The following CNKSR1 variants were observed in gnomAD, a reference collection of about 807,000 sequenced individuals.
CNKSR1 encodes connector enhancer of kinase suppressor of Ras 1.
CNKSR1 carries 88 observed loss-of-function variants against 95.6 expected under a neutral mutation model. The ratio of observed to expected loss-of-function variants is 0.92; its 90% CI spans 0.78 to 1.10. The LOEUF (loss-of-function observed/expected upper bound fraction) is 1.10, where lower values mean the gene tolerates loss of function less well. Ranked by LOEUF, CNKSR1 falls within the 50% of genes least tolerant of loss-of-function variation. The pLI is 0.00. For synonymous variants in CNKSR1, 355 were observed against 369.7 expected (o/e 0.96, Z 0.46); for missense variants, 836 against 912.0 (o/e 0.92, Z 1.07).
In CNKSR1 at chr1:26,184,150, C is replaced by T. The variant is rs2088699707; in HGVS notation, c.926+9C>T. On this transcript the variant is annotated intron_variant, in intron 10 of 20. Coordinates refer to ENST00000361530, the MANE Select transcript of CNKSR1 (RefSeq NM_006314.3). ...GCCCCACTGTCTCCCAGGTAACAGGCTCTGTCCAGGTGTGTCTTGGTGGGG... is the reference window on the plus strand; with the variant it reads ...GCCCCACTGTCTCCCAGGTAACAGGTTCTGTCCAGGTGTGTCTTGGTGGGG... 1 of 1,612,912 alleles carries T rather than the reference C, an allele frequency of 6.2e-7. No individual in the cohort carries two copies. Among genetic ancestry groups the T allele is most frequent in the Non-Finnish European group, 8.5e-7 (1 of 1,179,610 alleles).
rs1269539330 is a variant in CNKSR1 at position 26,184,398 on chromosome 1, C to G, written c.1001-3C>G. On this transcript the variant is annotated splice_region_variant and splice_polypyrimidine_tract_variant and intron_variant, in intron 11 of 20. Coordinates refer to ENST00000361530, the MANE Select transcript of CNKSR1 (RefSeq NM_006314.3). Reference sequence around the variant, plus strand: ...TTCCCTCTCTCTCCTCCCTCCCTGACAGACTCTGCCTCCCTTGGCCCTGAG... The same window carrying G: ...TTCCCTCTCTCTCCTCCCTCCCTGAGAGACTCTGCCTCCCTTGGCCCTGAG... 2.5e-6 allele frequency: 4 copies of G among 1,612,064 alleles called. No homozygotes were observed. The highest frequency in any genetic ancestry group is 3.4e-6 in the Non-Finnish European group (4 of 1,178,604).
intron 14 of CNKSR1, chr1:26,186,866 G>T (rs1297517111): frequency 2.6e-6 from 1 of 380,456 alleles, no homozygotes; most frequent in Admixed American, 3.9e-5. Context: ...GCCTCCCAAA[G>T]TGCTGGGATT....
intron 6 of CNKSR1, 62 bp downstream of exon 6, chr1:26,182,646 A>G (rs2088667038): frequency 1.1e-5 from 15 of 1,407,098 alleles, no homozygotes; most frequent in South Asian, 2.4e-5. Context: ...GGGCCCTGAA[A>G]TAGGGTCCAG....
chr1:26,184,022 C>A, intron 9 of CNKSR1, 49 bp from the exon 10 acceptor site: 2 of 1,465,232 alleles, frequency 1.4e-6, no homozygotes, highest in Non-Finnish European at 1.9e-6. Flanking sequence ...GCCCCCCAAC[C>A]TGCTTTCAGA....
chr1:26,183,476 TGGGTGGGGA>T (rs766128112), intron 8 of CNKSR1, 62 bp downstream of exon 8: 23 of 1,566,456 alleles, frequency 1.5e-5, no homozygotes, highest in Non-Finnish European at 2.0e-5. Context: ...CCAAGTCTGG[TGGGTGGGGA>T]GGCAACCAAG....
intron 3 of CNKSR1, among the ~76,000 whole-genome samples, chr1:26,181,280 CAAAAAAAAAAA>C (rs11392737): frequency 2.0e-5 from 1 of 49,158 alleles, no homozygotes; most frequent in Non-Finnish European, 4.2e-5. Flanking sequence ...GACTCCCTCT[CAAAAAAAAAAA>C]AAAAAAAAAA....
intron 3 of CNKSR1, chr1:26,181,557 A>G: frequency 2.9e-6 from 1 of 345,368 alleles, no homozygotes; most frequent in Non-Finnish European, 5.5e-6. Context: ...AACTTATTAT[A>G]AACTCATTAT....
intron 13 of CNKSR1, 152 bp from the exon 14 acceptor site, chr1:26,184,862 G>A: frequency 1.1e-6 from 1 of 880,316 alleles, no homozygotes; most frequent in Non-Finnish European, 1.7e-6. Flanking sequence ...AATAAGAAGG[G>A]TCATCCCACC....
At position 26,180,795 on chromosome 1, in the gene CNKSR1, C is replaced by G; in HGVS notation, c.291C>G (p.Val97=). 6.2e-7 allele frequency: 1 copy of G among 1,614,216 alleles called. No individual in the cohort carries two copies. Among genetic ancestry groups the G allele is most frequent in the Non-Finnish European group, 8.5e-7 (1 of 1,180,046 alleles). The stretch of plus-strand genomic sequence containing the variant: ...CAACCCATGACTTCCAGAGCATAGT[C>G]CAAGGCTGCCTGGGGGACTGTGCCA... ...LGATHDFQSI[V]QGCLGDCAKT... The change falls in exon 3 of 21, where the codon GTC becomes GTG. Residue 97 remains valine, a synonymous_variant. Transcript: ENST00000361530.
rs1391831674 is a variant in CNKSR1, at chr1:26,189,489, G to A, written c.2083G>A (p.Glu695Lys). Reference sequence around the variant, plus strand: ...CCACTCCCTGCCCTCTGACCCTGAAGAGCACTCCCATCTCTGCCCCCTGAC... The same window carrying A: ...CCACTCCCTGCCCTCTGACCCTGAAAAGCACTCCCATCTCTGCCCCCTGAC... Reference protein sequence around the residue: ...SPHSLPSDPEEHSHLCPLTSE... With the variant: ...SPHSLPSDPEKHSHLCPLTSE... Residue 695 changes from glutamate (E) to lysine (K), a missense_variant, in exon 21 of 21, where the codon GAG (glutamate) becomes AAG (lysine). Coordinates refer to ENST00000361530, the MANE Select transcript of CNKSR1 (RefSeq NM_006314.3). 1.2e-6 allele frequency: 2 copies of A among 1,612,496 alleles called. No homozygotes were observed. The highest frequency in any genetic ancestry group is 8.5e-7 in the Non-Finnish European group (1 of 1,178,670).
In CNKSR1 at chr1:26,184,449, C is replaced by A. The variant is rs2297710; in HGVS notation, c.1049C>A (p.Pro350Gln). 11,252 of 1,613,674 alleles carry A rather than the reference C, an allele frequency of 7.0e-3. 531 individuals carry two copies. In the East Asian group the frequency reaches 0.098, roughly 14 times the overall value. ...CCCCTGCCCATCCCCCCGGAACCCC[C>A]AGCCATACTCCCAGCAGGGGTAGCA... is the stretch of plus-strand genomic sequence containing the variant. ...PEPLPIPPEP[P>Q]AILPAGVAGT... Residue 350 changes from proline (P) to glutamine (Q), a missense_variant, in exon 12 of 21, where the codon CCA becomes CAA. Pro to Gln is a moderately conservative substitution (Grantham distance 76). Coordinates refer to ENST00000361530, the MANE Select transcript of CNKSR1 (RefSeq NM_006314.3).
Position 26,184,282 on chromosome 1 carries a change from G to C in CNKSR1, c.995G>C (p.Trp332Ser). 6.2e-7 allele frequency: 1 copy of C among 1,613,698 alleles called. No individual in the cohort carries two copies. Among genetic ancestry groups the C allele is most frequent in the African/African-American group, 1.3e-5 (1 of 74,920 alleles). The change falls in exon 11 of 21, where the codon TGG (tryptophan) becomes TCG (serine). Residue 332 changes from tryptophan to serine, a missense_variant. Trp to Ser is a radical substitution (Grantham distance 177). Transcript: ENST00000361530. The stretch of plus-strand genomic sequence containing the variant: ...CCCAGTCCCGGACCCAGCCCTGCCT[G>C]GACAGGTAGTCTCAAAGCTCCATGG... Reference protein sequence around the residue: ...SNPSPGPSPAWTDSASLGPEP... With the variant: ...SNPSPGPSPASTDSASLGPEP...
intron 14 of CNKSR1, 106 bp from the exon 15 acceptor site, chr1:26,187,062 C>T: frequency 1.2e-6 from 1 of 820,588 alleles, no homozygotes; most frequent in East Asian, 2.4e-5. Context: ...CCAGGAGATG[C>T]CTTCTCCTCT....
chr1:26,184,242 G>C lies in CNKSR1; in HGVS notation c.955G>C (p.Asp319His). The stretch of plus-strand genomic sequence containing the variant: ...CCCATCTGAAGACGTCTTTGCCTTT[G>C]ACCTGTCTTCAAACCCCAGTCCCGG... Reference protein sequence around the residue: ...RAPSEDVFAFDLSSNPSPGPS... With the variant: ...RAPSEDVFAFHLSSNPSPGPS... Residue 319 changes from aspartate to histidine, a missense_variant, in exon 11 of 21, where the codon GAC becomes CAC. Coordinates refer to ENST00000361530, the MANE Select transcript of CNKSR1 (RefSeq NM_006314.3). The C allele has an allele frequency of 6.2e-7, 1 of 1,613,388 alleles. No individual in the cohort carries two copies. The highest frequency in any genetic ancestry group is 8.5e-7 in the Non-Finnish European group (1 of 1,179,880).
intron 14 of CNKSR1, among the ~76,000 whole-genome samples, chr1:26,186,144 A>G (rs1205557970): frequency 6.6e-6 from 1 of 152,234 alleles, no homozygotes; most frequent in Non-Finnish European, 1.5e-5. Flanking sequence ...AGGAGTCCAG[A>G]TGCCCCCTGA....
intron 8 of CNKSR1, 73 bp from the exon 9 acceptor site, chr1:26,183,656 C>G (rs549351912): frequency 1.7e-6 from 2 of 1,196,276 alleles, no homozygotes; most frequent in East Asian, 2.3e-5. Flanking sequence ...GCTCCCAGCA[C>G]GAGGGTGAGA....
Position 26,188,947 on chromosome 1 carries a change from A to G in CNKSR1, c.1866A>G (p.Thr622=). 4 of 1,612,912 alleles carry G rather than the reference A, an allele frequency of 2.5e-6. No homozygotes were observed. The highest frequency in any genetic ancestry group is 1.3e-5 in the African/African-American group (1 of 74,918). The change falls in exon 20 of 21, where the codon ACA becomes ACG. Residue 622 remains threonine, a synonymous_variant. Transcript: ENST00000361530. ...ACCGTGTGCGGGCGCTACAGAGCAC[A>G]CTCAAGGTCAGCTGGGGGGCTCTGG... ...RVHRVRALQS[T]LKAKLQELQV...
chr1:26,183,400 A>G lies in CNKSR1; in HGVS notation c.739A>G (p.Asn247Asp). The change falls in exon 8 of 21, where the codon AAC becomes GAC. Residue 247 changes from asparagine to aspartate, a missense_variant. Transcript: ENST00000361530. Reference protein sequence around the residue: ...IQPGDEVVQINEQVVVGWPRK... With the variant: ...IQPGDEVVQIDEQVVVGWPRK... ...GCCTGGAGACGAGGTTGTCCAGATC[A>G]ACGAGCAGGTGGTGGTGCGTGAGGA... 6.2e-7 allele frequency: 1 copy of G among 1,614,154 alleles called. No homozygotes were observed.
At position 26,184,053 on chromosome 1, in the gene CNKSR1, T is replaced by C; in HGVS notation, c.856-18T>C. The C allele has an allele frequency of 6.3e-7, 1 of 1,582,472 alleles. No homozygotes were observed. The highest frequency in any genetic ancestry group is 8.6e-7 in the Non-Finnish European group (1 of 1,161,280). ...TCAGACCCCTGTCTCCATTGCTTTG[T>C]TCCTGGTTGTTCCCCAGACGCCCCC... On this transcript the variant is annotated intron_variant, in intron 9 of 20. Transcript: ENST00000361530.
Sources: gnomAD v4.1 joint callset for allele counts (sites outside exome capture counted in the v4.1 genomes callset) on GRCh38, gnomAD v4.1.1 for gene constraint, MANE v1.5 for transcripts, NCBI Gene and HGNC (gene_info 2026-07-23, HGNC 2026-07-21) for gene names.